NPAS3: variants seen among roughly 807,000 people sequenced by gnomAD.
NPAS3 encodes neuronal PAS domain protein 3.
In NPAS3, 14 loss-of-function variants were observed where a neutral mutation model predicts 73.1. That is an observed-to-expected ratio of 0.19 (90% confidence interval 0.13 to 0.30). NPAS3 has a LOEUF of 0.30. Ranked by LOEUF, NPAS3 falls within the 10% of genes least tolerant of loss-of-function variation. NPAS3 has a pLI of 1.00. For missense variants in NPAS3, 1,096 were observed against 1,250.0 expected (o/e 0.88, Z 1.86); for synonymous variants, 620 against 541.5 (o/e 1.14, Z -2.01).
intron 2 of NPAS3, among the ~76,000 whole-genome samples, chr14:33,208,824 C>A (rs2046924865): frequency 6.6e-6 from 1 of 152,150 alleles, no homozygotes; most frequent in African/African-American, 2.4e-5. Context: ...ACAACCATTA[C>A]AACTGGTTTT....
At chr14:33,736,799 G>A (rs374604157) in intron 7 of NPAS3, among the ~76,000 whole-genome samples, 1 of 152,152 alleles carries the variant, frequency 6.6e-6, no homozygotes, top group East Asian at 1.9e-4. Flanking sequence ...GAAGAAGGGT[G>A]CCAGGAGTGA....
intron 2 of NPAS3, among the ~76,000 whole-genome samples, chr14:33,108,904 A>T (rs1222987024): frequency 6.6e-6 from 1 of 152,154 alleles, no homozygotes; most frequent in Non-Finnish European, 1.5e-5. Flanking sequence ...TGCGTTTGTC[A>T]TATCTATTGG....
chr14:33,328,906 G>A lies in NPAS3; in HGVS notation c.386-38280G>A, dbSNP rs74042040. Among the ~76,000 whole-genome samples, 852 of 152,014 alleles carry A rather than the reference G, an allele frequency of 5.6e-3. 11 individuals carry two copies. The highest frequency in any genetic ancestry group is 0.02 in the African/African-American group (814 of 41,434). On this transcript the variant is annotated intron_variant, in intron 3 of 11. Transcript: ENST00000356141. The stretch of plus-strand genomic sequence containing the variant: ...AATTTTAACATAGAGTTTTTCCAAC[G>A]TTACTCCTCTCAGAATTGTTTGAGA...
At chr14:33,250,133 T>C (rs1178108656) in intron 3 of NPAS3, among the ~76,000 whole-genome samples, 1 of 152,056 alleles carries the variant, frequency 6.6e-6, no homozygotes, top group Non-Finnish European at 1.5e-5. Flanking sequence ...GAGTGAAGCA[T>C]TGAAATGTGC....
chr14:33,540,989 G>T (rs2054485351), intron 4 of NPAS3, among the ~76,000 whole-genome samples: 1 of 151,888 alleles, frequency 6.6e-6, no homozygotes. Flanking sequence ...TCCCCCCCAA[G>T]TCAGGATTTC....
At chr14:33,009,718 A>C (rs1454630183) in intron 1 of NPAS3, among the ~76,000 whole-genome samples, 2 of 152,110 alleles carry the variant, frequency 1.3e-5, no homozygotes, top group African/African-American at 4.8e-5. Context: ...CTTTTTCTTC[A>C]TTATAAAGGT....
upstream of NPAS3, among the ~76,000 whole-genome samples, chr14:32,936,097 T>C (rs764783199): frequency 1.3e-5 from 2 of 152,252 alleles, no homozygotes; most frequent in Non-Finnish European, 2.9e-5. Context: ...TCAAACTTCA[T>C]TGATTTGAGA....
At chr14:33,662,847 G>C (rs1346411044) in intron 5 of NPAS3, among the ~76,000 whole-genome samples, 1 of 150,286 alleles carries the variant, frequency 6.7e-6, no homozygotes, top group Non-Finnish European at 1.5e-5. Flanking sequence ...AGGAGATTTG[G>C]GGCTGAGACA....
chr14:33,581,257 C>T (rs969366350), intron 5 of NPAS3, among the ~76,000 whole-genome samples: 1 of 151,966 alleles, frequency 6.6e-6, no homozygotes, highest in Non-Finnish European at 1.5e-5. Flanking sequence ...ATTTCAGAGG[C>T]AAAAAGGGGA....
intron 9 of NPAS3, among the ~76,000 whole-genome samples, chr14:33,782,812 T>C (rs1386549565): frequency 4.3e-5 from 6 of 140,310 alleles, no homozygotes; most frequent in African/African-American, 1.6e-4. Flanking sequence ...TACTTGGGGG[T>C]TGTTTTTTTT....
At chr14:33,429,396 G>A (rs1470220708) in intron 4 of NPAS3, among the ~76,000 whole-genome samples, 1 of 152,042 alleles carries the variant, frequency 6.6e-6, no homozygotes, top group Non-Finnish European at 1.5e-5. Flanking sequence ...ACTGTTTAGG[G>A]ACTTGTACTG....
intron 2 of NPAS3, among the ~76,000 whole-genome samples, chr14:33,074,694 G>T (rs1312264570): frequency 2.6e-5 from 4 of 152,202 alleles, no homozygotes; most frequent in African/African-American, 9.7e-5. Context: ...TGGGATTACA[G>T]GTGTGAGCCA....
At chr14:33,038,021 T>C (rs1038754228) in intron 1 of NPAS3, among the ~76,000 whole-genome samples, 2 of 152,158 alleles carry the variant, frequency 1.3e-5, no homozygotes, top group African/African-American at 4.8e-5. Context: ...TAGATTCTTA[T>C]TTGTCAGCTT....
chr14:33,538,146 C>T (rs983971235), intron 4 of NPAS3, among the ~76,000 whole-genome samples: 2 of 152,148 alleles, frequency 1.3e-5, no homozygotes, highest in Admixed American at 6.5e-5. Flanking sequence ...TATGTAGGTA[C>T]TGTCATGGGT....
chr14:33,749,453 G>A (rs2140748938), intron 7 of NPAS3, among the ~76,000 whole-genome samples: 1 of 152,244 alleles, frequency 6.6e-6, no homozygotes, highest in South Asian at 2.1e-4. Context: ...ATGCTCTTCT[G>A]TGATGAGTGA....
At chr14:33,383,133 G>A (rs915020392) in intron 4 of NPAS3, among the ~76,000 whole-genome samples, 1 of 148,346 alleles carries the variant, frequency 6.7e-6, no homozygotes, top group African/African-American at 2.5e-5. Context: ...AGATATACAT[G>A]CATGCACCCA....
intron 5 of NPAS3, among the ~76,000 whole-genome samples, chr14:33,577,432 G>A (rs1165197315): frequency 6.6e-6 from 1 of 152,082 alleles, no homozygotes; most frequent in Non-Finnish European, 1.5e-5. Context: ...GGACTCTATG[G>A]TCTATAAAGA....
intron 5 of NPAS3, among the ~76,000 whole-genome samples, chr14:33,625,560 C>A (rs2058196642): frequency 6.6e-6 from 1 of 152,194 alleles, no homozygotes; most frequent in Admixed American, 6.5e-5. Context: ...GGTAACAAAG[C>A]AGGTGTTAGA....
At chr14:33,478,974 A>G (rs2051179078) in intron 4 of NPAS3, among the ~76,000 whole-genome samples, 2 of 152,158 alleles carry the variant, frequency 1.3e-5, no homozygotes, top group African/African-American at 4.8e-5. Context: ...GGCCATAGTT[A>G]TCAGGGAAGG....
Sources: gnomAD v4.1 joint callset for allele counts (sites outside exome capture counted in the v4.1 genomes callset) on GRCh38, gnomAD v4.1.1 for gene constraint, MANE v1.5 for transcripts, NCBI Gene and HGNC (gene_info 2026-07-23, HGNC 2026-07-21) for gene names.